Variants in EIF5A2 observed in about 807,000 individuals in gnomAD.
EIF5A2 encodes eukaryotic translation initiation factor 5A2.
Under a neutral mutation model 16.4 loss-of-function variants are expected in EIF5A2, and 15 were observed. That is an observed-to-expected ratio of 0.92 (90% CI 0.61 to 1.41). The LOEUF (loss-of-function observed/expected upper bound fraction) is 1.41, where lower values mean the gene tolerates loss of function less well. Among genes scored for constraint, EIF5A2 ranks in the 40% most tolerant of loss-of-function variants. The pLI, the probability that EIF5A2 is intolerant of heterozygous loss-of-function variation, is 0.00. For synonymous variants in EIF5A2, 48 were observed against 61.1 expected, an observed-to-expected ratio of 0.79 and a Z score of 1.00; for missense variants, 144 against 189.5, an observed-to-expected ratio of 0.76 and a Z score of 1.41.
rs767354202 is a variant in EIF5A2, at chr3:170,894,413, A to C, written c.281T>G (p.Ile94Ser). 6.8e-6 allele frequency: 11 copies of C among 1,613,766 alleles called. No homozygotes were observed. In the South Asian group the frequency reaches 1.2e-4, roughly 18 times the overall value. ...IKRNDYQLIC[I>S]QDGYLSLLTE... The stretch of plus-strand genomic sequence containing the variant: ...CAGCAGGGAAAGGTAACCATCTTGA[A>C]TGCATATCAGCTATTAGAAGAAATT... The change falls in exon 4 of 5, where the codon ATT becomes AGT. Residue 94 changes from isoleucine (I) to serine (S), a missense_variant. Physicochemically the swap from Ile to Ser is moderately radical, Grantham distance 142. Transcript: ENST00000295822.
At chr3:170,893,960 C>A (rs962051782) in intron 4 of EIF5A2, among the ~76,000 whole-genome samples, 1 of 151,124 alleles carries the variant, frequency 6.6e-6, no homozygotes, top group South Asian at 2.1e-4. Flanking sequence ...GAACCTGGGA[C>A]GCGGAGGTTG....
In EIF5A2 at chr3:170,907,750, AGGGT is replaced by A; in HGVS notation, c.53_56del (p.Tyr18LeufsTer22). On this transcript the variant is annotated frameshift_variant, in exon 2 of 5. Coordinates refer to ENST00000295822, the MANE Select transcript of EIF5A2 (RefSeq NM_020390.6). LOFTEE classifies it high-confidence loss of function. ...TTTTGCGCAAGGCCGAGCACTGCATAGGGTAAGTGCTGGAAGCCCCGGCATCTCC... is the reference window on the plus strand; with the variant it reads ...TTTTGCGCAAGGCCGAGCACTGCATAAAGTGCTGGAAGCCCCGGCATCTCC... 1.3e-6 allele frequency: 2 copies of A among 1,599,778 alleles called. No homozygotes were observed. The highest frequency in any genetic ancestry group is 1.7e-6 in the Non-Finnish European group (2 of 1,168,840).
chr3:170,901,562 CTT>C (rs35685053), intron 3 of EIF5A2, among the ~76,000 whole-genome samples: 61 of 142,012 alleles, frequency 4.3e-4, no homozygotes, highest in Admixed American at 7.0e-4. Flanking sequence ...CAGGTGCCTT[CTT>C]TTTTTTTTTT....
intron 3 of EIF5A2, among the ~76,000 whole-genome samples, chr3:170,902,398 CTTTTTTTTTTTT>C (rs36044967): frequency 1.1e-5 from 1 of 91,378 alleles, no homozygotes; most frequent in African/African-American, 4.9e-5. Context: ...GCCATTCAGC[CTTTTTTTTTTTT>C]TTTTTTTTTT....
rs1362280376 is a variant in EIF5A2, at chr3:170,892,764, T to C, written c.*596A>G. On this transcript the variant is annotated 3_prime_UTR_variant, in exon 5 of 5. Transcript: ENST00000295822. Reference sequence around the variant, plus strand: ...CCATAAGAAGGGACTAAAACCACCATATAAGGTTACATCAAGTTTGCCAAC... The same window carrying C: ...CCATAAGAAGGGACTAAAACCACCACATAAGGTTACATCAAGTTTGCCAAC... The C allele has an allele frequency of 2.5e-6, 1 of 398,506 alleles. No individual in the cohort carries two copies. The highest frequency in any genetic ancestry group is 2.1e-5 in the African/African-American group (1 of 48,616). 24.7% of individuals were successfully genotyped at this position (398,506 alleles called of 1,614,324 possible).
At chr3:170,906,075 A>T (rs1712930471) in intron 3 of EIF5A2, among the ~76,000 whole-genome samples, 1 of 152,238 alleles carries the variant, frequency 6.6e-6, no homozygotes, top group South Asian at 2.1e-4. Flanking sequence ...AGTTGATAGC[A>T]ACATTAAAAG....
chr3:170,897,250 C>T (rs1049197408), intron 3 of EIF5A2, among the ~76,000 whole-genome samples: 6 of 152,154 alleles, frequency 3.9e-5, no homozygotes, highest in African/African-American at 1.4e-4. Flanking sequence ...AAAGAAAAAC[C>T]CATTTTCTGG....
rs1055873502 is a variant in EIF5A2 at position 170,908,617 on chromosome 3, G to C, written c.-110C>G. On this transcript the variant is annotated 5_prime_UTR_variant, in exon 1 of 5. Transcript: ENST00000295822. ...CTACAGCAGCGGCGCCGGCAGCGGC[G>C]GTGGCGGCCGCGGCAGTTCCAAGAG... 6.5e-6 allele frequency: 1 copy of C among 152,942 alleles called. No homozygotes were observed. The allele number at this position is 152,942 out of a possible 1,614,324, so 9.5% of individuals were successfully genotyped here. A position where few individuals can be genotyped will look rare whatever the true frequency, so the allele number is the denominator to read the frequency against.
Position 170,891,136 on chromosome 3 carries a change from G to A in EIF5A2, c.*2224C>T, listed in dbSNP as rs1463623053. On this transcript the variant is annotated 3_prime_UTR_variant, in exon 5 of 5. Transcript: ENST00000295822. Reference sequence around the variant, plus strand: ...AATTTTACAAGTTAGGAAGAACAGGGGCATGCTAATTGAGAGTTAATACTG... The same window carrying A: ...AATTTTACAAGTTAGGAAGAACAGGAGCATGCTAATTGAGAGTTAATACTG... The A allele has an allele frequency of 6.6e-6, 1 of 152,396 alleles. No individual in the cohort carries two copies. Among genetic ancestry groups the A allele is most frequent in the Non-Finnish European group, 1.5e-5 (1 of 67,986 alleles). The allele number at this position is 152,396 out of a possible 1,614,324, so 9.4% of individuals were successfully genotyped here.
rs1341838683 is a variant in EIF5A2, at chr3:170,890,024, A to G, written c.*3336T>C. On this transcript the variant is annotated 3_prime_UTR_variant, in exon 5 of 5. Coordinates refer to ENST00000295822, the MANE Select transcript of EIF5A2 (RefSeq NM_020390.6). ...CAATTTGGGAAAATTCTGCCAATAT[A>G]TTTTCAGGCAATTAGCTTTAAAATA... 1 of 152,550 alleles carries G rather than the reference A, an allele frequency of 6.6e-6. No individual in the cohort carries two copies. Among genetic ancestry groups the G allele is most frequent in the Non-Finnish European group, 1.5e-5 (1 of 67,964 alleles). 9.4% of individuals were successfully genotyped at this position (152,550 alleles called of 1,614,324 possible).
intron 3 of EIF5A2, among the ~76,000 whole-genome samples, chr3:170,897,855 C>G (rs1712712166): frequency 6.6e-6 from 1 of 152,188 alleles, no homozygotes; most frequent in African/African-American, 2.4e-5. Context: ...GGAAAAGCCA[C>G]AGGCACTCAA....
Position 170,894,431 on chromosome 3 carries a change from A to G in EIF5A2, c.271-8T>C. ...ATCTTGAATGCATATCAGCTATTAG[A>G]AGAAATTATATCATTTGTGCTGATT... is the stretch of plus-strand genomic sequence containing the variant. On this transcript the variant is annotated splice_polypyrimidine_tract_variant and splice_region_variant and intron_variant, in intron 3 of 4. Coordinates refer to ENST00000295822, the MANE Select transcript of EIF5A2 (RefSeq NM_020390.6). 1.2e-6 allele frequency: 2 copies of G among 1,613,430 alleles called. No individual in the cohort carries two copies. Among genetic ancestry groups the G allele is most frequent in the Non-Finnish European group, 1.7e-6 (2 of 1,179,594 alleles).
At chr3:170,901,842 C>T (rs1317790862) in intron 3 of EIF5A2, among the ~76,000 whole-genome samples, 4 of 152,166 alleles carry the variant, frequency 2.6e-5, no homozygotes, top group Non-Finnish European at 4.4e-5. Context: ...TTATTTCTTC[C>T]TTCTTTTCCC....
At chr3:170,900,657 G>A (rs941064858) in intron 3 of EIF5A2, among the ~76,000 whole-genome samples, 1 of 152,130 alleles carries the variant, frequency 6.6e-6, no homozygotes, top group Non-Finnish European at 1.5e-5. Flanking sequence ...AAATGCTCGA[G>A]TTTATAATGA....
At chr3:170,893,513 T>G in intron 4 of EIF5A2, 94 bp from the exon 5 acceptor site, 2 of 1,368,186 alleles carry the variant, frequency 1.5e-6, no homozygotes, top group Non-Finnish European at 2.0e-6. Context: ...TGTGGATATT[T>G]TGTACATATG....
At chr3:170,895,636 T>C (rs1021850731) in intron 3 of EIF5A2, among the ~76,000 whole-genome samples, 8 of 152,204 alleles carry the variant, frequency 5.3e-5, no homozygotes, top group Admixed American at 5.2e-4. Flanking sequence ...ATACACCATC[T>C]ACCAAAACTG....
chr3:170,894,237 A>G, intron 4 of EIF5A2, 55 bp downstream of exon 4: 1 of 1,574,182 alleles, frequency 6.4e-7, no homozygotes, highest in Non-Finnish European at 8.7e-7. Context: ...TAACTAGTTG[A>G]GGTCAAAGTT....
At position 170,891,859 on chromosome 3, in the gene EIF5A2, A is replaced by G. The variant is rs1416439627; in HGVS notation, c.*1501T>C. 6.6e-6 allele frequency: 1 copy of G among 152,604 alleles called. No individual in the cohort carries two copies. Among genetic ancestry groups the G allele is most frequent in the Non-Finnish European group, 1.5e-5 (1 of 68,038 alleles). 9.5% of individuals were successfully genotyped at this position (152,604 alleles called of 1,614,324 possible). On this transcript the variant is annotated 3_prime_UTR_variant, in exon 5 of 5. Transcript: ENST00000295822. ...GAAATGCAGTGGTGTCACCTAAAATACCTTTTAAAATAATTCAGTTTATAG... is the reference window on the plus strand; with the variant it reads ...GAAATGCAGTGGTGTCACCTAAAATGCCTTTTAAAATAATTCAGTTTATAG...
chr3:170,905,672 T>A (rs1712919076), intron 3 of EIF5A2, among the ~76,000 whole-genome samples: 1 of 152,164 alleles, frequency 6.6e-6, no homozygotes, highest in African/African-American at 2.4e-5. Flanking sequence ...AATAATGAAA[T>A]GATTAAGTAG....
Sources: gnomAD v4.1 joint callset for allele counts (sites outside exome capture counted in the v4.1 genomes callset) on GRCh38, gnomAD v4.1.1 for gene constraint, MANE v1.5 for transcripts, NCBI Gene and HGNC (gene_info 2026-07-23, HGNC 2026-07-21) for gene names.